The following B4GALNT2 variants were observed in gnomAD, a reference collection of about 807,000 sequenced individuals.
B4GALNT2 encodes the protein N-acetylneuraminylgalactosylglucosyl-glucoside beta-1,4-N- acetylgalactosaminyltransferase 2.
B4GALNT2 carries 42 observed loss-of-function variants against 51.1 expected under a neutral mutation model. The observed-to-expected ratio is 0.82, with a 90% CI of 0.64 to 1.06. The LOEUF is 1.06. B4GALNT2 is among the 50% of genes least tolerant of loss of function. The pLI is 0.00. For missense variants in B4GALNT2, 602 were observed against 633.6 expected, an observed-to-expected ratio of 0.95 and a Z score of 0.54; for synonymous variants, 253 against 251.7, an observed-to-expected ratio of 1.01 and a Z score of -0.05.
At chr17:49,149,849 A>G (rs535282158) in intron 3 of B4GALNT2, among the ~76,000 whole-genome samples, 2 of 152,154 alleles carry the variant, frequency 1.3e-5, no homozygotes, top group Non-Finnish European at 2.9e-5. Context: ...GTGAACTCAC[A>G]CTTTCATGAA....
At position 49,170,280 on chromosome 17, in the gene B4GALNT2, G is replaced by A. The variant is rs538696657; in HGVS notation, c.*552G>A. On this transcript the variant is annotated 3_prime_UTR_variant, in exon 11 of 11. Coordinates refer to ENST00000393354, the MANE Select transcript of B4GALNT2 (RefSeq NM_001159387.2). Reference sequence around the variant, plus strand: ...GCCGGGGTCAGAGGATCAGAGAAGGGAAGGGGTCACCAGGTCCCAGGTGGT... The same window carrying A: ...GCCGGGGTCAGAGGATCAGAGAAGGAAAGGGGTCACCAGGTCCCAGGTGGT... 1 of 152,912 alleles carries A rather than the reference G, an allele frequency of 6.5e-6. No individual in the cohort carries two copies. Among genetic ancestry groups the A allele is most frequent in the South Asian group, 2.1e-4 (1 of 4,828 alleles). 9.5% of individuals were successfully genotyped at this position (152,912 alleles called of 1,614,324 possible).
intron 5 of B4GALNT2, among the ~76,000 whole-genome samples, chr17:49,157,016 T>C (rs975688253): frequency 1.3e-5 from 2 of 152,210 alleles, no homozygotes; most frequent in African/African-American, 4.8e-5. Flanking sequence ...ATGCAAATTG[T>C]GCCCAGAACC....
chr17:49,144,109 G>A (rs1200970793), intron 3 of B4GALNT2, among the ~76,000 whole-genome samples: 1 of 151,994 alleles, frequency 6.6e-6, no homozygotes, highest in African/African-American at 2.4e-5. Flanking sequence ...AGATCAGACC[G>A]CTGCACTCAC....
rs932197477 is a variant in B4GALNT2, at chr17:49,172,009, G to C, written c.*2281G>C. 7.8e-6 allele frequency: 2 copies of C among 255,416 alleles called. No individual in the cohort carries two copies. Among genetic ancestry groups the C allele is most frequent in the Non-Finnish European group, 1.5e-5 (2 of 134,204 alleles). 15.8% of individuals were successfully genotyped at this position (255,416 alleles called of 1,614,324 possible). The stretch of plus-strand genomic sequence containing the variant: ...ATAAATATGCCCAATAAGTATAACT[G>C]TTCTCTGTGTTGTTCCTTGTTGAAG... On this transcript the variant is annotated 3_prime_UTR_variant, in exon 11 of 11. Transcript: ENST00000393354.
At chr17:49,128,436 G>T (rs111416275), upstream of B4GALNT2, among the ~76,000 whole-genome samples, 384 of 152,298 alleles carry the variant, frequency 2.5e-3, 2 homozygotes, top group African/African-American at 8.9e-3. Flanking sequence ...GGGTTCATCT[G>T]CAGGGTCAAA....
rs1439213785 is a variant in B4GALNT2 at position 49,176,332 on chromosome 17, A to C, written c.*6604A>C. ...CAGCCTTCAGAGCTGAAAGCCCCGA[A>C]CAGAGTTTGACTCACATGTTTATTG... On this transcript the variant is annotated 3_prime_UTR_variant, in exon 11 of 11. Coordinates refer to ENST00000393354, the MANE Select transcript of B4GALNT2 (RefSeq NM_001159387.2). The C allele has an allele frequency of 6.6e-6, 1 of 152,246 alleles. No homozygotes were observed. The highest frequency in any genetic ancestry group is 2.4e-5 in the African/African-American group (1 of 41,464). The allele number at this position is 152,246 out of a possible 1,614,324, so 9.4% of individuals were successfully genotyped here.
At chr17:49,160,203 G>A (rs2042850220) in intron 6 of B4GALNT2, among the ~76,000 whole-genome samples, 1 of 152,142 alleles carries the variant, frequency 6.6e-6, no homozygotes, top group Admixed American at 6.5e-5. Context: ...ATTACCCTGT[G>A]AGATAAAATA....
chr17:49,162,690 C>T (rs2042875386), intron 7 of B4GALNT2, among the ~76,000 whole-genome samples: 1 of 151,970 alleles, frequency 6.6e-6, no homozygotes, highest in Admixed American at 6.6e-5. Context: ...GAGCAGATCA[C>T]TTGAGGTCAG....
chr17:49,126,027 T>G, the B4GALNT2 span, among the ~76,000 whole-genome samples: 1 of 110,468 alleles, frequency 9.1e-6, no homozygotes, highest in African/African-American at 3.1e-5. Flanking sequence ...GAGTGGGCCA[T>G]GATGACAATG....
chr17:49,152,779 T>C, intron 3 of B4GALNT2, 21 bp from the exon 4 acceptor site: 1 of 1,542,086 alleles, frequency 6.5e-7, no homozygotes, highest in African/African-American at 1.4e-5. Flanking sequence ...GCTGCTGACG[T>C]TTCTGTTCTC....
At chr17:49,159,502 C>A (rs140380239) in intron 6 of B4GALNT2, among the ~76,000 whole-genome samples, 32 of 152,058 alleles carry the variant, frequency 2.1e-4, no homozygotes, top group African/African-American at 7.5e-4. Flanking sequence ...CCACCATGCC[C>A]GGCTAATTTT....
intron 9 of B4GALNT2, among the ~76,000 whole-genome samples, chr17:49,167,429 C>CT (rs1394583489): frequency 2.6e-5 from 4 of 151,998 alleles, no homozygotes; most frequent in East Asian, 3.9e-4. Flanking sequence ...GAAATGCAAT[C>CT]TTTTTTTTCT....
intron 1 of B4GALNT2, among the ~76,000 whole-genome samples, chr17:49,136,260 G>T (rs1296000807): frequency 6.6e-6 from 1 of 151,626 alleles, no homozygotes; most frequent in Non-Finnish European, 1.5e-5. Flanking sequence ...GTGGTAATTT[G>T]CTTAATTCTT....
At chr17:49,122,071 G>A in the B4GALNT2 span, among the ~76,000 whole-genome samples, 1 of 152,128 alleles carries the variant, frequency 6.6e-6, no homozygotes, top group Non-Finnish European at 1.5e-5. Flanking sequence ...ATTTATTGCG[G>A]GTTGGAGTGT....
At chr17:49,157,928 G>C (rs755617424) in intron 5 of B4GALNT2, among the ~76,000 whole-genome samples, 69 of 152,180 alleles carry the variant, frequency 4.5e-4, no homozygotes, top group Admixed American at 2.6e-3. Context: ...TGACTGACTA[G>C]TATCAACAGT....
chr17:49,152,932 C>T (rs1490248201), intron 4 of B4GALNT2, 26 bp downstream of exon 4: 4 of 1,562,490 alleles, frequency 2.6e-6, no homozygotes, highest in Non-Finnish European at 3.5e-6. Flanking sequence ...TACCAAGAGA[C>T]CCCAGACAAC....
At chr17:49,126,657 T>C in the B4GALNT2 span, among the ~76,000 whole-genome samples, 2 of 146,772 alleles carry the variant, frequency 1.4e-5, no homozygotes, top group Non-Finnish European at 3.0e-5. Context: ...TTTCTTTTTT[T>C]TTTTTTTTTT....
Position 49,174,241 on chromosome 17 carries a change from G to C in B4GALNT2, c.*4513G>C, listed in dbSNP as rs1260016209. On this transcript the variant is annotated 3_prime_UTR_variant, in exon 11 of 11. Transcript: ENST00000393354. ...AGTGGGGGGCAGCACAAAGTATATC[G>C]TCCATATAATGAATAATGTAACACT... 6.6e-6 allele frequency: 1 copy of C among 152,092 alleles called. No homozygotes were observed. Among genetic ancestry groups the C allele is most frequent in the African/African-American group, 2.4e-5 (1 of 41,400 alleles). The allele number at this position is 152,092 out of a possible 1,614,324, so 9.4% of individuals were successfully genotyped here.
the B4GALNT2 span, among the ~76,000 whole-genome samples, chr17:49,123,572 C>T: frequency 6.6e-6 from 1 of 152,140 alleles, no homozygotes; most frequent in Non-Finnish European, 1.5e-5. Flanking sequence ...TATTTGCATA[C>T]AGTGCAGCAA....
Sources: gnomAD v4.1 joint callset for allele counts (sites outside exome capture counted in the v4.1 genomes callset) on GRCh38, gnomAD v4.1.1 for gene constraint, MANE v1.5 for transcripts, NCBI Gene and HGNC (gene_info 2026-07-23, HGNC 2026-07-21) for gene names.